PIP4K2B: variants seen among roughly 807,000 people sequenced by gnomAD.
PIP4K2B encodes phosphatidylinositol 5-phosphate 4-kinase type-2 beta.
In PIP4K2B, 3 loss-of-function variants were observed where a neutral mutation model predicts 42.0. The observed-to-expected ratio is 0.07, with a 90% CI of 0.03 to 0.18. The LOEUF (loss-of-function observed/expected upper bound fraction) is 0.18. PIP4K2B is among the 10% of genes least tolerant of loss of function. PIP4K2B has a pLI of 1.00. For synonymous variants in PIP4K2B, 204 were observed against 210.1 expected, an observed-to-expected ratio of 0.97 and a Z score of 0.25; for missense variants, 332 against 562.3, an observed-to-expected ratio of 0.59 and a Z score of 4.14.
chr17:38,770,996 G>A lies in PIP4K2B; in HGVS notation c.1066+18C>T, dbSNP rs759762527. The A allele has an allele frequency of 5.6e-6, 9 of 1,613,912 alleles. No individual in the cohort carries two copies. In the South Asian group the frequency reaches 7.7e-5, roughly 14 times the overall value. On this transcript the variant is annotated intron_variant, in intron 8 of 9. Coordinates refer to ENST00000619039, the MANE Select transcript of PIP4K2B (RefSeq NM_003559.5). ...ATGAGGGCAGGGCTGTGCAGAGCAG[G>A]CGCAGGCTCTGACTTACTTTCATGG...
intron 5 of PIP4K2B, among the ~76,000 whole-genome samples, chr17:38,778,984 C>A (rs1294701585): frequency 6.6e-6 from 1 of 152,172 alleles, no homozygotes; most frequent in Non-Finnish European, 1.5e-5. Flanking sequence ...TGACAGAAGT[C>A]AGAAGCCAGG....
chr17:38,778,063 G>C (rs969981992), intron 6 of PIP4K2B, among the ~76,000 whole-genome samples: 2 of 152,320 alleles, frequency 1.3e-5, no homozygotes, highest in South Asian at 2.1e-4. Context: ...GGCAGCCACT[G>C]ACTGACTCAG....
Position 38,767,905 on chromosome 17 carries a change from C to G in PIP4K2B, c.*1786G>C, listed in dbSNP as rs1406728041. ...GTTCAGACCTACCTATGGCCCCTTC[C>G]TGGGGCCAAGGCAGTGGTTTGACCC... On this transcript the variant is annotated 3_prime_UTR_variant, in exon 10 of 10. Transcript: ENST00000619039. The G allele has an allele frequency of 6.6e-6, 1 of 152,238 alleles. No individual in the cohort carries two copies. The highest frequency in any genetic ancestry group is 1.5e-5 in the Non-Finnish European group (1 of 68,048). 9.4% of individuals were successfully genotyped at this position (152,238 alleles called of 1,614,324 possible).
chr17:38,789,282 T>C (rs1057307943), intron 1 of PIP4K2B, among the ~76,000 whole-genome samples: 4 of 152,232 alleles, frequency 2.6e-5, no homozygotes, highest in African/African-American at 7.2e-5. Flanking sequence ...TAGCTTTCCA[T>C]TGGTGCAGAG....
intron 3 of PIP4K2B, among the ~76,000 whole-genome samples, chr17:38,781,677 C>T (rs228296): frequency 0.76 from 114,730 of 151,682 alleles, 43,610 homozygotes; most frequent in Admixed American, 0.83. Flanking sequence ...CCAACATGCC[C>T]GGCTTATTTT....
rs1447883851 is a variant in PIP4K2B at position 38,770,448 on chromosome 17, C to T, written c.1158G>A (p.Thr386=). The change falls in exon 9 of 10, where the codon ACG becomes ACA. Residue 386 remains threonine (T), a synonymous_variant. Coordinates refer to ENST00000619039, the MANE Select transcript of PIP4K2B (RefSeq NM_003559.5). ...TKKKAAHAAK[T]VKHGAGAEIS... is the part of the protein sequence containing the mutation. ...GGAGAGGACTCACCCCGTGTTTCAC[C>T]GTTTTGGCAGCATGTGCAGCTTTCT... is the stretch of plus-strand genomic sequence containing the variant. 3.7e-6 allele frequency: 6 copies of T among 1,608,574 alleles called. No homozygotes were observed. Among genetic ancestry groups the T allele is most frequent in the South Asian group, 2.2e-5 (2 of 90,840 alleles).
rs1488723733 is a variant in PIP4K2B at position 38,799,426 on chromosome 17, C to T, written c.-2G>A. 3 of 1,582,084 alleles carry T rather than the reference C, an allele frequency of 1.9e-6. No individual in the cohort carries two copies. Among genetic ancestry groups the T allele is most frequent in the Non-Finnish European group, 2.6e-6 (3 of 1,170,344 alleles). ...GGTGCTGGTGCAGTTGGACGACATGCCCGGGGCGGCGGCGGCGGCGGCGAA... is the reference window on the plus strand; with the variant it reads ...GGTGCTGGTGCAGTTGGACGACATGTCCGGGGCGGCGGCGGCGGCGGCGAA... On this transcript the variant is annotated 5_prime_UTR_variant, in exon 1 of 10. Transcript: ENST00000619039. This position sits in a 1 kb window ranked among gnomAD's most constrained non-coding sequence, Gnocchi z 4.4.
rs886087956 is a variant in PIP4K2B, at chr17:38,778,248, G to C, written c.693+86C>G. ...GGCATGTCTGGGAGCTGGGCTAGGG[G>C]CTGGGGTGGGCGAGGGACAGGATGG... is the stretch of plus-strand genomic sequence containing the variant. On this transcript the variant is annotated intron_variant, in intron 6 of 9. Coordinates refer to ENST00000619039, the MANE Select transcript of PIP4K2B (RefSeq NM_003559.5). 11 of 1,195,202 alleles carry C rather than the reference G, an allele frequency of 9.2e-6. No individual in the cohort carries two copies. In the African/African-American group the frequency reaches 1.6e-4, roughly 18 times the overall value. The allele number at this position is 1,195,202 out of a possible 1,614,324, so 74.0% of individuals were successfully genotyped here.
At position 38,778,388 on chromosome 17, in the gene PIP4K2B, C is replaced by G; in HGVS notation, c.655-16G>C. On this transcript the variant is annotated splice_polypyrimidine_tract_variant and intron_variant, in intron 5 of 9. Coordinates refer to ENST00000619039, the MANE Select transcript of PIP4K2B (RefSeq NM_003559.5). ...CCGTAGAACCCTGAAAGGATAAGAG[C>G]CATCAGGGGAAGTCAAGCTGAGGCA... is the stretch of plus-strand genomic sequence containing the variant. 6.2e-7 allele frequency: 1 copy of G among 1,613,870 alleles called. No individual in the cohort carries two copies. The highest frequency in any genetic ancestry group is 8.5e-7 in the Non-Finnish European group (1 of 1,179,808).
At chr17:38,785,398 A>C (rs1232292827) in intron 2 of PIP4K2B, among the ~76,000 whole-genome samples, 1 of 152,200 alleles carries the variant, frequency 6.6e-6, no homozygotes, top group Non-Finnish European at 1.5e-5. Flanking sequence ...AGGGCTGGGC[A>C]AGGTGGCTCC....
At chr17:38,778,781 G>A (rs1199433289) in intron 5 of PIP4K2B, among the ~76,000 whole-genome samples, 2 of 152,212 alleles carry the variant, frequency 1.3e-5, no homozygotes, top group African/African-American at 2.4e-5. Context: ...CTACTTCCTG[G>A]AAGTAGTATT....
intron 3 of PIP4K2B, among the ~76,000 whole-genome samples, chr17:38,782,843 A>C (rs2143409138): frequency 6.6e-6 from 1 of 152,274 alleles, no homozygotes; most frequent in South Asian, 2.1e-4. Context: ...GCTATACACT[A>C]GGTTTCACTG....
At chr17:38,787,037 T>C in intron 1 of PIP4K2B, 117 bp from the exon 2 acceptor site, 2 of 763,356 alleles carry the variant, frequency 2.6e-6, no homozygotes, top group Non-Finnish European at 4.6e-6. Context: ...TCCCTCTCTG[T>C]CTTTTTTTGT....
Position 38,767,264 on chromosome 17 carries a change from T to C in PIP4K2B, c.*2427A>G, listed in dbSNP as rs1908753525. ...CATTCAAACTGCAGACCAAATAGAATACCATGACAAAAAGAAGAGAAAGGA... is the reference window on the plus strand; with the variant it reads ...CATTCAAACTGCAGACCAAATAGAACACCATGACAAAAAGAAGAGAAAGGA... On this transcript the variant is annotated 3_prime_UTR_variant, in exon 10 of 10. Coordinates refer to ENST00000619039, the MANE Select transcript of PIP4K2B (RefSeq NM_003559.5). 6.6e-6 allele frequency: 1 copy of C among 151,828 alleles called. No individual in the cohort carries two copies. Among genetic ancestry groups the C allele is most frequent in the South Asian group, 2.1e-4 (1 of 4,804 alleles). 9.4% of individuals were successfully genotyped at this position (151,828 alleles called of 1,614,324 possible).
At chr17:38,780,122 G>A (rs756729858) in intron 4 of PIP4K2B, among the ~76,000 whole-genome samples, 1 of 152,120 alleles carries the variant, frequency 6.6e-6, no homozygotes, top group Non-Finnish European at 1.5e-5. Context: ...TCATGGACAG[G>A]TTCCAGATGA....
intron 7 of PIP4K2B, among the ~76,000 whole-genome samples, chr17:38,774,439 T>C (rs1367325399): frequency 1.3e-5 from 2 of 152,146 alleles, no homozygotes; most frequent in Non-Finnish European, 2.9e-5. Flanking sequence ...GCAGATCTCG[T>C]TGGTATCCAT....
chr17:38,781,341 G>A (rs1326381680), intron 3 of PIP4K2B, among the ~76,000 whole-genome samples: 1 of 151,990 alleles, frequency 6.6e-6, no homozygotes, highest in Non-Finnish European at 1.5e-5. Context: ...GAGGGAGGGT[G>A]TGGGAAGGCG....
chr17:38,795,754 A>G (rs1475940251), intron 1 of PIP4K2B, among the ~76,000 whole-genome samples: 2 of 135,220 alleles, frequency 1.5e-5, no homozygotes, highest in Admixed American at 1.4e-4. Context: ...CTGTCTCAAG[A>G]AAAAAAAAAA....
chr17:38,777,583 C>T (rs1234864869), intron 7 of PIP4K2B, 104 bp downstream of exon 7: 1 of 790,286 alleles, frequency 1.3e-6, no homozygotes, highest in Non-Finnish European at 2.2e-6. Flanking sequence ...CCCTTTTGTC[C>T]ATACTCCTGG....
Sources: allele counts gnomAD v4.1 joint callset (sites outside exome capture counted in the v4.1 genomes callset), GRCh38; gene constraint gnomAD v4.1.1; non-coding constraint Gnocchi (gnomAD v3.1); transcripts MANE v1.5; gene names NCBI Gene and HGNC (gene_info 2026-07-23, HGNC 2026-07-21).